Variants in HPS4 observed in about 807,000 individuals in gnomAD.
HPS4 encodes HPS4 biogenesis of lysosomal organelles complex 3 subunit 2.
Under a neutral mutation model 70.3 loss-of-function variants are expected in HPS4, and 44 were observed. The ratio of observed to expected loss-of-function variants is 0.63; its 90% CI spans 0.49 to 0.80. The LOEUF is 0.80. HPS4 is among the 30% of genes least tolerant of loss of function. The pLI is 0.00. For synonymous variants in HPS4, 377 were observed against 355.9 expected, an observed-to-expected ratio of 1.06 and a Z score of -0.67; for missense variants, 873 against 884.4, an observed-to-expected ratio of 0.99 and a Z score of 0.16.
At position 26,472,729 on chromosome 22, in the gene HPS4, G is replaced by A. The variant is rs1352942687; in HGVS notation, c.384+103C>T. 9.7e-6 allele frequency: 9 copies of A among 928,786 alleles called. No individual in the cohort carries two copies. In the Middle Eastern group the frequency reaches 6.3e-4, roughly 65 times the overall value. The allele number at this position is 928,786 out of a possible 1,614,324, so 57.5% of individuals were successfully genotyped here. ...CTGACCTTGTCCCCAGACACAATGT[G>A]TTTATATGAAGTATACAAGACCCCA... On this transcript the variant is annotated intron_variant, in intron 5 of 13. Coordinates refer to ENST00000398145, the MANE Select transcript of HPS4 (RefSeq NM_022081.6).
At chr22:26,472,567 C>T (rs1421862880) in intron 5 of HPS4, 149 bp from the exon 6 acceptor site, 8 of 745,220 alleles carry the variant, frequency 1.1e-5, no homozygotes, top group South Asian at 2.9e-5. Flanking sequence ...CACAGATCCA[C>T]GGCGCCTGCC....
chr22:26,476,276 C>G (rs571743924), intron 4 of HPS4: 1 of 151,934 alleles, frequency 6.6e-6, no homozygotes, highest in Non-Finnish European at 1.5e-5. Context: ...CCTCAGGAAG[C>G]CTTAAAATAA....
At chr22:26,470,966 C>G (rs2089709621) in intron 6 of HPS4, 153 bp from the exon 7 acceptor site, 1 of 1,499,470 alleles carries the variant, frequency 6.7e-7, no homozygotes, top group East Asian at 2.5e-5. Context: ...TGTGCCATGG[C>G]TTGGGACTAT....
downstream of HPS4, among the ~76,000 whole-genome samples, chr22:26,449,305 C>T (rs1374773902): frequency 6.6e-6 from 1 of 150,888 alleles, no homozygotes; most frequent in Non-Finnish European, 1.5e-5. Flanking sequence ...TGAGAACCAG[C>T]TCCAGTCACT....
intron 1 of HPS4, 24 bp downstream of exon 1, chr22:26,483,650 G>A (rs1395194797): frequency 1.4e-5 from 5 of 356,212 alleles, no homozygotes; most frequent in African/African-American, 4.3e-5. Context: ...CGGTATCCCC[G>A]CGCTCCGAGC....
intron 9 of HPS4, chr22:26,465,978 C>T (rs1373740339): frequency 2.4e-6 from 3 of 1,249,072 alleles, no homozygotes; most frequent in Non-Finnish European, 2.2e-6. Context: ...CTTGACCGAG[C>T]AGTCTCACAA....
rs1468910410 is a variant in HPS4, at chr22:26,451,995, C to T, written c.*1238G>A. The T allele has an allele frequency of 1.3e-3, 30 of 22,954 alleles. No individual in the cohort carries two copies. The highest frequency in any genetic ancestry group is 1.9e-3 in the East Asian group (2 of 1,062). The allele number at this position is 22,954 out of a possible 1,614,324, so 1.4% of individuals were successfully genotyped here. A position where few individuals can be genotyped will look rare whatever the true frequency, so the allele number is the denominator to read the frequency against. ...GGGATGCGCCCACGTTACGCGCGCG[C>T]GCGCGCGCGCACACACACACACACA... On this transcript the variant is annotated 3_prime_UTR_variant, in exon 14 of 14. Transcript: ENST00000398145.
intron 7 of HPS4, among the ~76,000 whole-genome samples, chr22:26,469,402 T>C (rs1002495654): frequency 5.3e-5 from 8 of 152,070 alleles, no homozygotes; most frequent in African/African-American, 1.7e-4. Context: ...AAGCTGTGTT[T>C]ATGCCACTAC....
At chr22:26,480,605 C>T (rs1223983647) in intron 2 of HPS4, among the ~76,000 whole-genome samples, 1 of 152,152 alleles carries the variant, frequency 6.6e-6, no homozygotes, top group Non-Finnish European at 1.5e-5. Flanking sequence ...TGGCTCCCAC[C>T]CTGCCTTCCT....
chr22:26,483,657 G>A lies in HPS4; in HGVS notation c.-479+17C>T. 3 of 365,884 alleles carry A rather than the reference G, an allele frequency of 8.2e-6. No homozygotes were observed. The highest frequency in any genetic ancestry group is 4.4e-5 in the East Asian group (1 of 22,524). The allele number at this position is 365,884 out of a possible 1,614,324, so 22.7% of individuals were successfully genotyped here. The stretch of plus-strand genomic sequence containing the variant: ...CCGCCCCTCGGTATCCCCGCGCTCC[G>A]AGCGCCGCCCACCCACCGGAGTAGC... On this transcript the variant is annotated intron_variant, in intron 1 of 13. Coordinates refer to ENST00000398145, the MANE Select transcript of HPS4 (RefSeq NM_022081.6).
At chr22:26,467,282 G>C (rs1162536222) in intron 8 of HPS4, 1 of 152,140 alleles carries the variant, frequency 6.6e-6, no homozygotes, top group Non-Finnish European at 1.5e-5. Context: ...AATATTTTTG[G>C]CTTTGCAGGG....
rs2090037684 is a variant in HPS4 at position 26,472,908 on chromosome 22, A to C, written c.308T>G (p.Val103Gly). The C allele has an allele frequency of 6.2e-7, 1 of 1,614,244 alleles. No individual in the cohort carries two copies. The highest frequency in any genetic ancestry group is 8.5e-7 in the Non-Finnish European group (1 of 1,180,048). The change falls in exon 5 of 14, where the codon GTC (valine) becomes GGC (glycine). Residue 103 changes from valine to glycine, a missense_variant. Val to Gly is a moderately radical substitution (Grantham distance 109). Coordinates refer to ENST00000398145, the MANE Select transcript of HPS4 (RefSeq NM_022081.6). ...CTGATCCAGAAACCGCTTGCAGCTG[A>C]CATCAGGGAGCTCCACAGCACAGCC... ...VLGCAVELPD[V>G]SCKRFLDQLV...
rs778692469 is a variant in HPS4, at chr22:26,477,063, T to C, written c.206A>G (p.Asp69Gly). The change falls in exon 4 of 14, where the codon GAC becomes GGC. Residue 69 changes from aspartate (D) to glycine (G), a missense_variant. By Grantham distance (94) the Asp-to-Gly change is moderately conservative (BLOSUM62 -1). Transcript: ENST00000398145. Reference sequence around the variant, plus strand: ...CAGACGAACAAGAGTAGGAGGAGAGTCAGAAATGTCAGAAACACAGCGGAC... The same window carrying C: ...CAGACGAACAAGAGTAGGAGGAGAGCCAGAAATGTCAGAAACACAGCGGAC... ...GVVRCVSDIS[D>G]SPPTLVRLRK... 3 of 1,613,738 alleles carry C rather than the reference T, an allele frequency of 1.9e-6. No homozygotes were observed. In the East Asian group the frequency reaches 6.7e-5, roughly 36 times the overall value.
At chr22:26,458,248 C>T (rs1001367768) in intron 12 of HPS4, among the ~76,000 whole-genome samples, 197 bp downstream of exon 12, 1 of 152,286 alleles carries the variant, frequency 6.6e-6, no homozygotes, top group African/African-American at 2.4e-5. Context: ...CAAAAACAGA[C>T]ACATGAGCAG....
At chr22:26,449,726 C>T (rs987659813), downstream of HPS4, among the ~76,000 whole-genome samples, 1 of 152,122 alleles carries the variant, frequency 6.6e-6, no homozygotes, top group Admixed American at 6.5e-5. Context: ...TGTGGCTCGG[C>T]GCTACTGAGA....
Position 26,477,124 on chromosome 22 carries a change from G to C in HPS4, c.145C>G (p.Gln49Glu). ...YFYPSQTLLD[Q>E]QELLCGQIAG... The stretch of plus-strand genomic sequence containing the variant: ...ATCTGTCCACAAAGCAACTCCTGTT[G>C]GTCTAGCAGGGTCTGTGGGAAAGGA... The change falls in exon 4 of 14, where the codon CAA becomes GAA. Residue 49 changes from glutamine to glutamate, a missense_variant. Transcript: ENST00000398145. 6.2e-7 allele frequency: 1 copy of C among 1,614,134 alleles called. No individual in the cohort carries two copies. The highest frequency in any genetic ancestry group is 8.5e-7 in the Non-Finnish European group (1 of 1,180,014).
intron 11 of HPS4, among the ~76,000 whole-genome samples, chr22:26,460,404 C>G (rs552022192): frequency 2.0e-5 from 3 of 152,210 alleles, no homozygotes; most frequent in Non-Finnish European, 4.4e-5. Context: ...GACACGCACA[C>G]GGGCACACAT....
At chr22:26,460,622 T>A (rs1052846660) in intron 11 of HPS4, among the ~76,000 whole-genome samples, 3 of 152,226 alleles carry the variant, frequency 2.0e-5, no homozygotes, top group Non-Finnish European at 4.4e-5. Flanking sequence ...CAAGATAGGA[T>A]CACTTAACCA....
rs781170364 is a variant in HPS4 at position 26,479,222 on chromosome 22, G to A, written c.132+43C>T. Reference sequence around the variant, plus strand: ...ACTTTTGAAAAGTCACCACTTGGAGGCACTGGGATCCTCACTGAACAATAA... The same window carrying A: ...ACTTTTGAAAAGTCACCACTTGGAGACACTGGGATCCTCACTGAACAATAA... On this transcript the variant is annotated intron_variant, in intron 3 of 13. Coordinates refer to ENST00000398145, the MANE Select transcript of HPS4 (RefSeq NM_022081.6). 5.4e-5 allele frequency: 86 copies of A among 1,599,466 alleles called. 4 individuals carry two copies. In the South Asian group the frequency reaches 8.9e-4, roughly 17 times the overall value.
Sources: allele counts gnomAD v4.1 joint callset (sites outside exome capture counted in the v4.1 genomes callset), GRCh38; gene constraint gnomAD v4.1.1; transcripts MANE v1.5; gene names NCBI Gene and HGNC (gene_info 2026-07-23, HGNC 2026-07-21).